Variants in SIPA1L1 observed in about 807,000 individuals in gnomAD.
SIPA1L1 encodes the protein signal-induced proliferation-associated 1-like protein 1.
A neutral mutation model predicts 162.7 loss-of-function variants in SIPA1L1; 26 were observed. The ratio of observed to expected loss-of-function variants is 0.16; its 90% CI spans 0.12 to 0.22. The LOEUF (loss-of-function observed/expected upper bound fraction) is 0.22. SIPA1L1 is among the 10% of genes least tolerant of loss of function. The probability of loss-of-function intolerance (pLI) is 1.00; values close to 1 mark genes in which losing one functional copy is unlikely to be tolerated. For synonymous variants in SIPA1L1, 829 were observed against 837.4 expected (o/e 0.99, Z 0.17); for missense variants, 1,874 against 2,241.0 (o/e 0.84, Z 3.31).
intron 8 of SIPA1L1, among the ~76,000 whole-genome samples, chr14:71,652,456 C>T (rs371922764): frequency 4.6e-5 from 7 of 152,132 alleles, no homozygotes; most frequent in East Asian, 3.9e-4. Context: ...AAGGATCATT[C>T]CCACTGTAGA....
intron 2 of SIPA1L1, among the ~76,000 whole-genome samples, chr14:71,338,004 T>C (rs992942090): frequency 6.6e-6 from 1 of 152,220 alleles, no homozygotes; most frequent in South Asian, 2.1e-4. Flanking sequence ...TTTATCACTC[T>C]TATACCCTTC....
chr14:71,487,604 G>A (rs985438055), intron 2 of SIPA1L1, among the ~76,000 whole-genome samples: 4 of 152,136 alleles, frequency 2.6e-5, no homozygotes, highest in Non-Finnish European at 5.9e-5. Context: ...AGCAGGAAGA[G>A]GAGAAAGGAA....
chr14:71,648,131 A>C (rs551703137), intron 7 of SIPA1L1, among the ~76,000 whole-genome samples: 47 of 152,246 alleles, frequency 3.1e-4, no homozygotes, highest in African/African-American at 1.1e-3. Flanking sequence ...CTCTACTAAA[A>C]ATACAAAAAT....
At chr14:71,386,559 T>C (rs1299610891) in intron 2 of SIPA1L1, among the ~76,000 whole-genome samples, 4 of 152,164 alleles carry the variant, frequency 2.6e-5, no homozygotes, top group Non-Finnish European at 2.9e-5. Context: ...TGGTATATGG[T>C]AGATGCACAG....
At chr14:71,629,983 T>C (rs1469605892) in intron 7 of SIPA1L1, among the ~76,000 whole-genome samples, 1 of 152,214 alleles carries the variant, frequency 6.6e-6, no homozygotes, top group East Asian at 1.9e-4. Context: ...TGAGGATAAA[T>C]GAGTTTGACT....
intron 4 of SIPA1L1, among the ~76,000 whole-genome samples, chr14:71,569,986 A>G (rs1384729677): frequency 1.3e-5 from 2 of 152,198 alleles, no homozygotes; most frequent in African/African-American, 4.8e-5. Flanking sequence ...CGGCTATGTT[A>G]AGTAACATTG....
At chr14:71,357,790 C>T (rs2037418311) in intron 2 of SIPA1L1, among the ~76,000 whole-genome samples, 1 of 152,012 alleles carries the variant, frequency 6.6e-6, no homozygotes, top group Non-Finnish European at 1.5e-5. Flanking sequence ...TGCAGTGGTG[C>T]CATCTTGGCT....
At chr14:71,579,121 T>A (rs1318213566) in intron 4 of SIPA1L1, among the ~76,000 whole-genome samples, 1 of 152,244 alleles carries the variant, frequency 6.6e-6, no homozygotes, top group Non-Finnish European at 1.5e-5. Context: ...TACATTTGTT[T>A]ACATTTCTCT....
At chr14:71,355,623 T>TA (rs1369431859) in intron 2 of SIPA1L1, among the ~76,000 whole-genome samples, 2 of 152,258 alleles carry the variant, frequency 1.3e-5, no homozygotes, top group Middle Eastern at 3.2e-3. Context: ...CTTGCCAAGT[T>TA]ACTGTCATCA....
intron 2 of SIPA1L1, among the ~76,000 whole-genome samples, chr14:71,397,778 C>T (rs898294417): frequency 6.6e-6 from 1 of 152,096 alleles, no homozygotes; most frequent in African/African-American, 2.4e-5. Flanking sequence ...GTATTATTTG[C>T]CAAGTATTCA....
intron 2 of SIPA1L1, among the ~76,000 whole-genome samples, chr14:71,328,453 T>C (rs1457307597): frequency 6.6e-6 from 1 of 152,178 alleles, no homozygotes; most frequent in Non-Finnish European, 1.5e-5. Flanking sequence ...GCTCAGTAGG[T>C]GATTCTGTTA....
chr14:71,498,288 A>G (rs2049945281), intron 2 of SIPA1L1, among the ~76,000 whole-genome samples: 1 of 152,250 alleles, frequency 6.6e-6, no homozygotes, highest in South Asian at 2.1e-4. Context: ...CAGGGAAGCT[A>G]GCAATGACTA....
At chr14:71,635,147 TG>T (rs2041007394) in intron 7 of SIPA1L1, among the ~76,000 whole-genome samples, 1 of 151,632 alleles carries the variant, frequency 6.6e-6, no homozygotes, top group Admixed American at 6.6e-5. Flanking sequence ...GGTGTGATGG[TG>T]GGTGCCTATA....
intron 2 of SIPA1L1, among the ~76,000 whole-genome samples, chr14:71,359,482 C>T (rs1186381346): frequency 6.6e-6 from 1 of 152,186 alleles, no homozygotes; most frequent in Non-Finnish European, 1.5e-5. Context: ...GTGTCATCTT[C>T]TTCAGTAGAG....
chr14:71,663,033 T>G (rs1365284804), intron 10 of SIPA1L1, among the ~76,000 whole-genome samples: 1 of 152,226 alleles, frequency 6.6e-6, no homozygotes, highest in Non-Finnish European at 1.5e-5. Context: ...AAAGAGAGTT[T>G]CTTCTTTTCA....
At chr14:71,589,807 T>C (rs543408723) in intron 5 of SIPA1L1, among the ~76,000 whole-genome samples, 13 of 152,118 alleles carry the variant, frequency 8.5e-5, no homozygotes, top group African/African-American at 3.1e-4. Flanking sequence ...GCTGCTTCAA[T>C]GTTGTCATCA....
At chr14:71,579,649 T>C (rs541988506) in intron 4 of SIPA1L1, among the ~76,000 whole-genome samples, 29 of 152,316 alleles carry the variant, frequency 1.9e-4, no homozygotes, top group African/African-American at 6.7e-4. Context: ...TCTTTTACGT[T>C]CTAGGTTCTT....
At chr14:71,583,182 G>A (rs568553725) in intron 4 of SIPA1L1, among the ~76,000 whole-genome samples, 1 of 152,250 alleles carries the variant, frequency 6.6e-6, no homozygotes, top group Non-Finnish European at 1.5e-5. Context: ...TAAGAGCCTG[G>A]GTATTACCAT....
In SIPA1L1 at chr14:71,449,188, C is replaced by T. The variant is rs531676263; in HGVS notation, c.-464-63555C>T. Among the ~76,000 whole-genome samples the T allele has an allele frequency of 9.2e-5, 14 of 152,298 alleles. No individual in the cohort carries two copies. The South Asian group carries it at 2.9e-3, about 32-fold the overall frequency. On this transcript the variant is annotated intron_variant, in intron 2 of 23. Coordinates refer to ENST00000381232, the MANE Select transcript of SIPA1L1 (RefSeq NM_001386936.1). ...GGACAGCAAAAGGCTGCTGCTTTTTCAGGTTTCCTCTTTGGTTTGCCAAGG... is the reference window on the plus strand; with the variant it reads ...GGACAGCAAAAGGCTGCTGCTTTTTTAGGTTTCCTCTTTGGTTTGCCAAGG...
Sources: gnomAD v4.1 joint callset for allele counts (sites outside exome capture counted in the v4.1 genomes callset) on GRCh38, gnomAD v4.1.1 for gene constraint, MANE v1.5 for transcripts, NCBI Gene and HGNC (gene_info 2026-07-23, HGNC 2026-07-21) for gene names.